The following DNAJC13 variants were observed in gnomAD, a reference collection of about 807,000 sequenced individuals.
DNAJC13 encodes the protein DnaJ heat shock protein family (Hsp40) member C13.
A neutral mutation model predicts 290.5 loss-of-function variants in DNAJC13; 75 were observed. The ratio of observed to expected loss-of-function variants is 0.26; its 90% CI spans 0.21 to 0.31. The LOEUF (loss-of-function observed/expected upper bound fraction) is 0.31. Ranked by LOEUF, DNAJC13 falls within the 10% of genes least tolerant of loss-of-function variation. The pLI, the probability that DNAJC13 is intolerant of heterozygous loss-of-function variation, is 1.00. For missense variants in DNAJC13, 2,260 were observed against 2,674.5 expected, an observed-to-expected ratio of 0.85 and a Z score of 3.42; for synonymous variants, 862 against 892.0, an observed-to-expected ratio of 0.97 and a Z score of 0.60.
At chr3:132,476,908 C>T (rs1236062343) in intron 22 of DNAJC13, among the ~76,000 whole-genome samples, 1 of 152,206 alleles carries the variant, frequency 6.6e-6, no homozygotes, top group Non-Finnish European at 1.5e-5. Context: ...CATACACATT[C>T]TCTCTGCCTA....
At chr3:132,463,671 G>C (rs1933882435) in intron 16 of DNAJC13, 25 bp from the exon 17 acceptor site, 4 of 1,603,732 alleles carry the variant, frequency 2.5e-6, no homozygotes, top group Non-Finnish European at 3.4e-6. Flanking sequence ...GCCACCTTAG[G>C]GATCATCTTA....
intron 28 of DNAJC13, 114 bp from the exon 29 acceptor site, chr3:132,484,474 T>C: frequency 1.1e-6 from 1 of 893,992 alleles, no homozygotes. Flanking sequence ...GAGCTTAGTC[T>C]TCATTAACAA....
rs768552598 is a variant in DNAJC13 at position 132,434,645 on chromosome 3, T to C, written c.68+27T>C. On this transcript the variant is annotated intron_variant, in intron 2 of 55. Transcript: ENST00000260818. ...TAAGTATTCTTGTTGGGTTTTTTTT[T>C]CTGTGCTTCTATAAAATATTTTAAA... 20 of 1,552,416 alleles carry C rather than the reference T, an allele frequency of 1.3e-5. No individual in the cohort carries two copies. The Middle Eastern group carries it at 1.0e-3, about 80-fold the overall frequency.
At chr3:132,431,594 T>G (rs1939241586) in intron 1 of DNAJC13, among the ~76,000 whole-genome samples, 1 of 152,076 alleles carries the variant, frequency 6.6e-6, no homozygotes, top group Non-Finnish European at 1.5e-5. Context: ...AGACAGCAAT[T>G]TCAAAATAAG....
At chr3:132,446,586 AC>A (rs777028524) in intron 3 of DNAJC13, 36 bp downstream of exon 3, 6 of 1,451,266 alleles carry the variant, frequency 4.1e-6, no homozygotes, top group Non-Finnish European at 5.7e-6. Context: ...GTTTGTATGA[AC>A]TCCCTTTGAA....
intron 42 of DNAJC13, among the ~76,000 whole-genome samples, chr3:132,506,068 T>TTTTTTTTA (rs1935576378): frequency 1.4e-5 from 2 of 140,188 alleles, no homozygotes; most frequent in African/African-American, 5.6e-5. Context: ...TTTTTTTTTT[T>TTTTTTTTA]GAGATGGAAT....
intron 31 of DNAJC13, among the ~76,000 whole-genome samples, chr3:132,489,711 A>G (rs1444294776): frequency 6.6e-6 from 1 of 152,120 alleles, no homozygotes; most frequent in Non-Finnish European, 1.5e-5. Context: ...CACCTTGACA[A>G]TAGACACTAA....
At chr3:132,446,580 G>C (rs1247631735) in intron 3 of DNAJC13, 30 bp downstream of exon 3, 1 of 1,479,976 alleles carries the variant, frequency 6.8e-7, no homozygotes, top group Admixed American at 2.1e-5. Context: ...TTAGGTGTTT[G>C]TATGAACTCC....
chr3:132,498,692 CTT>C (rs995599478), intron 36 of DNAJC13, among the ~76,000 whole-genome samples: 2 of 150,924 alleles, frequency 1.3e-5, no homozygotes, highest in African/African-American at 4.9e-5. Flanking sequence ...AATATTTTAT[CTT>C]TTTTTTTACG....
At chr3:132,522,803 T>C in intron 48 of DNAJC13, 25 bp from the exon 49 acceptor site, 1 of 1,572,032 alleles carries the variant, frequency 6.4e-7, no homozygotes, top group Non-Finnish European at 8.6e-7. Flanking sequence ...AGGTGTCTTT[T>C]TCATTCTCAA....
intron 20 of DNAJC13, among the ~76,000 whole-genome samples, chr3:132,468,943 A>G (rs1934093200): frequency 6.6e-6 from 1 of 152,338 alleles, no homozygotes; most frequent in East Asian, 1.9e-4. Context: ...CAGCATAAGC[A>G]TGAACACAAA....
At chr3:132,441,144 A>G (rs1433119576) in intron 2 of DNAJC13, among the ~76,000 whole-genome samples, 2 of 152,356 alleles carry the variant, frequency 1.3e-5, no homozygotes, top group East Asian at 3.9e-4. Context: ...CAAGGGAACT[A>G]GGATATTCAG....
At chr3:132,526,496 T>C (rs750929540) in intron 53 of DNAJC13, among the ~76,000 whole-genome samples, 1 of 152,196 alleles carries the variant, frequency 6.6e-6, no homozygotes, top group East Asian at 1.9e-4. Context: ...ACATGGATGT[T>C]TGTGTATATA....
Position 132,475,054 on chromosome 3 carries a change from A to T in DNAJC13, c.2414A>T (p.Asn805Ile). The change falls in exon 22 of 56, where the codon AAT becomes ATT. Residue 805 changes from asparagine to isoleucine, a missense_variant. By Grantham distance (149) the Asn-to-Ile change is moderately radical. Around this residue, in one of 3 missense-constraint regions of DNAJC13, gnomAD observed 762 missense variants for 964.1 expected, o/e 0.79. Transcript: ENST00000260818. ...FNIDRELGSANVISWNHHEFE... is the reference protein window; with the variant it reads ...FNIDRELGSAIVISWNHHEFE... ...ATTGACAGAGAACTTGGAAGTGCAA[A>T]TGTGATCTCCTGGAACCACCATGAG... 1.2e-5 allele frequency: 20 copies of T among 1,609,940 alleles called. No individual in the cohort carries two copies. Among genetic ancestry groups the T allele is most frequent in the Non-Finnish European group, 1.7e-5 (20 of 1,178,018 alleles).
At chr3:132,491,718 C>G (rs987083162) in intron 32 of DNAJC13, among the ~76,000 whole-genome samples, 2 of 152,256 alleles carry the variant, frequency 1.3e-5, no homozygotes, top group African/African-American at 4.8e-5. Context: ...CCCCTCAATT[C>G]CCTTAGCTAG....
At chr3:132,471,166 G>T in intron 20 of DNAJC13, among the ~76,000 whole-genome samples, 1 of 124,894 alleles carries the variant, frequency 8.0e-6, no homozygotes, top group South Asian at 2.7e-4. Flanking sequence ...CGGCTGAGGG[G>T]CTCCTCACTT....
At position 132,492,587 on chromosome 3, in the gene DNAJC13, G is replaced by T. The variant is rs766013346; in HGVS notation, c.3797G>T (p.Arg1266Leu). Residue 1266 changes from arginine (R) to leucine (L), a missense_variant, in exon 33 of 56, where the codon CGG becomes CTG. This residue lies in a region of DNAJC13 where 1,494 missense variants were observed against 1,693.7 expected (regional missense o/e 0.88). Transcript: ENST00000260818. Reference sequence around the variant, plus strand: ...CTCAAACAACTGTGTGATACACTCCGGTTTCCAGATTGGCCAATTAAAGAC... The same window carrying T: ...CTCAAACAACTGTGTGATACACTCCTGTTTCCAGATTGGCCAATTAAAGAC... ...YYLKQLCDTL[R>L]FPDWPIKDPV... 1 of 1,613,358 alleles carries T rather than the reference G, an allele frequency of 6.2e-7. No individual in the cohort carries two copies.
intron 43 of DNAJC13, 49 bp downstream of exon 43, chr3:132,507,402 C>A: frequency 1.9e-6 from 2 of 1,057,958 alleles, no homozygotes; most frequent in Non-Finnish European, 2.9e-6. Flanking sequence ...TCATTTGTTA[C>A]TGAAAGTTAC....
At position 132,522,669 on chromosome 3, in the gene DNAJC13, G is replaced by C. The variant is rs2305624; in HGVS notation, c.5674-159G>C. ...TTAAAGGTACCTTTGCATAAACCGA[G>C]GATTATCTTTTTCACTCCAGAACTT... On this transcript the variant is annotated intron_variant, in intron 48 of 55. Transcript: ENST00000260818. 0.21 allele frequency among the ~76,000 whole-genome samples: 32,613 copies of C among 152,048 alleles called. 3,656 individuals carry two copies. The highest frequency in any genetic ancestry group is 0.32 in the South Asian group (1,532 of 4,816).
Sources: gnomAD v4.1 joint callset for allele counts (sites outside exome capture counted in the v4.1 genomes callset) on GRCh38, gnomAD v4.1.1 for gene constraint, gnomAD v4.1.1 regional missense constraint, MANE v1.5 for transcripts, NCBI Gene and HGNC (gene_info 2026-07-23, HGNC 2026-07-21) for gene names.